Variants in ROBO1 observed in about 807,000 individuals in gnomAD.
ROBO1 encodes roundabout homolog 1.
A neutral mutation model predicts 195.9 loss-of-function variants in ROBO1; 149 were observed. The ratio of observed to expected loss-of-function variants is 0.76; its 90% CI spans 0.67 to 0.87. The LOEUF (loss-of-function observed/expected upper bound fraction) is 0.87. Among genes scored for constraint, ROBO1 ranks in the 40% least tolerant of loss-of-function variants. The pLI is 0.00. For synonymous variants in ROBO1, 816 were observed against 733.2 expected (o/e 1.11, Z -1.82); for missense variants, 1,933 against 2,068.3 (o/e 0.93, Z 1.27).
intron 2 of ROBO1, among the ~76,000 whole-genome samples, chr3:79,179,520 G>T (rs952874379): frequency 2.6e-5 from 4 of 152,134 alleles, no homozygotes; most frequent in African/African-American, 9.7e-5. Flanking sequence ...AACCAGGTTA[G>T]ATCACATTTT....
At chr3:78,645,998 A>T (rs1167880455) in intron 21 of ROBO1, 150 bp downstream of exon 21, 1 of 654,122 alleles carries the variant, frequency 1.5e-6, no homozygotes, top group East Asian at 2.7e-5. Context: ...GCTTGTTTCA[A>T]CAGCATAGCT....
Position 79,386,228 on chromosome 3 carries a change from C to T in ROBO1, c.88+203596G>A, listed in dbSNP as rs537393648. 1.0e-3 allele frequency among the ~76,000 whole-genome samples: 157 copies of T among 152,108 alleles called. 1 individual carries two copies. The highest frequency in any genetic ancestry group is 3.6e-3 in the African/African-American group (151 of 41,514). ...AAAATGGAAAACAACTTACTGTGAACGTCAGTTCGATAGAACTCTAGGGAG... is the reference window on the plus strand; with the variant it reads ...AAAATGGAAAACAACTTACTGTGAATGTCAGTTCGATAGAACTCTAGGGAG... On this transcript the variant is annotated intron_variant, in intron 2 of 30. Coordinates refer to ENST00000464233, the MANE Select transcript of ROBO1 (RefSeq NM_002941.4).
chr3:79,089,659 C>T (rs1288169616), intron 3 of ROBO1, among the ~76,000 whole-genome samples: 1 of 152,092 alleles, frequency 6.6e-6, no homozygotes, highest in Non-Finnish European at 1.5e-5. Flanking sequence ...CTAACAGTTA[C>T]CACATTCTCA....
chr3:79,641,730 G>A (rs1945667992), intron 1 of ROBO1, among the ~76,000 whole-genome samples: 1 of 152,086 alleles, frequency 6.6e-6, no homozygotes, highest in Non-Finnish European at 1.5e-5. Context: ...ACAAAGAAGA[G>A]ATTGAGGCTA....
At chr3:79,650,625 A>G (rs1225008615) in intron 1 of ROBO1, among the ~76,000 whole-genome samples, 1 of 151,812 alleles carries the variant, frequency 6.6e-6, no homozygotes, top group Non-Finnish European at 1.5e-5. Context: ...TTAATTATGC[A>G]ATAATAAGAA....
intron 1 of ROBO1, among the ~76,000 whole-genome samples, chr3:79,593,725 C>T (rs1489682814): frequency 6.6e-6 from 1 of 152,000 alleles, no homozygotes; most frequent in Non-Finnish European, 1.5e-5. Flanking sequence ...ATCCTCCCAA[C>T]TCAGCCTCCT....
rs548625774 is a variant in ROBO1, at chr3:78,689,526, A to G, written c.1046-754T>C. ...GTGTGCTGATGGAGTCACTTCTGGG[A>G]AAAAAAAAAAAGGTATTTGTTTTTG... On this transcript the variant is annotated intron_variant, in intron 8 of 30. Transcript: ENST00000464233. 4.3e-4 allele frequency among the ~76,000 whole-genome samples: 59 copies of G among 138,224 alleles called. 1 individual carries two copies. The Middle Eastern group carries it at 0.018, about 43-fold the overall frequency. 90.7% of individuals were successfully genotyped at this position (138,224 alleles called of 152,430 possible). A position where few individuals can be genotyped will look rare whatever the true frequency, so the allele number is the denominator to read the frequency against.
chr3:78,873,038 T>C (rs2035638170), intron 4 of ROBO1, among the ~76,000 whole-genome samples: 1 of 152,192 alleles, frequency 6.6e-6, no homozygotes, highest in Admixed American at 6.6e-5. Context: ...ACTTACCTGA[T>C]AATGTTCTTT....
intron 3 of ROBO1, among the ~76,000 whole-genome samples, chr3:78,959,670 G>A (rs528391729): frequency 3.9e-5 from 6 of 152,120 alleles, no homozygotes; most frequent in Non-Finnish European, 5.9e-5. Flanking sequence ...TCAATACAGA[G>A]CTATACCATA....
At chr3:78,970,766 T>A (rs769934126) in intron 3 of ROBO1, among the ~76,000 whole-genome samples, 7 of 152,144 alleles carry the variant, frequency 4.6e-5, no homozygotes, top group Non-Finnish European at 8.8e-5. Context: ...GCTTTTATCA[T>A]CCCATTTACC....
rs149323373 is a variant in ROBO1, at chr3:79,156,270, G to T, written c.89-30731C>A. 7.9e-3 allele frequency among the ~76,000 whole-genome samples: 1,191 copies of T among 151,218 alleles called. 4 individuals carry two copies. The highest frequency in any genetic ancestry group is 0.014 in the Middle Eastern group (4 of 292). ...CAGCAATAGTAAAAATGACACACTA[G>T]ATCAGAAGGTTTTGGTAATATTTAT... On this transcript the variant is annotated intron_variant, in intron 2 of 30. Coordinates refer to ENST00000464233, the MANE Select transcript of ROBO1 (RefSeq NM_002941.4).
intron 2 of ROBO1, among the ~76,000 whole-genome samples, chr3:79,518,754 C>T (rs982984084): frequency 6.6e-6 from 1 of 151,804 alleles, no homozygotes; most frequent in Non-Finnish European, 1.5e-5. Flanking sequence ...GATCTCGGCT[C>T]ACTGCCTCCC....
chr3:79,201,751 G>A (rs990123682), intron 2 of ROBO1, among the ~76,000 whole-genome samples: 8 of 151,792 alleles, frequency 5.3e-5, no homozygotes, highest in Non-Finnish European at 1.0e-4. Flanking sequence ...CTATTGTGAG[G>A]AGAATTGGAG....
chr3:79,048,672 C>A lies in ROBO1; in HGVS notation c.172+76784G>T, dbSNP rs185679391. On this transcript the variant is annotated intron_variant, in intron 3 of 30. Transcript: ENST00000464233. ...TCTCCTCATAGCTCCGCAATCTCTT[C>A]CCTCTATTGTCACACTATGATGATG... 2.6e-5 allele frequency among the ~76,000 whole-genome samples: 4 copies of A among 152,216 alleles called. No homozygotes were observed. In the East Asian group the frequency reaches 7.8e-4, roughly 30 times the overall value.
chr3:79,567,249 T>C (rs1049521815), intron 2 of ROBO1, among the ~76,000 whole-genome samples: 1 of 152,014 alleles, frequency 6.6e-6, no homozygotes, highest in African/African-American at 2.4e-5. Flanking sequence ...CTGGTGTCTA[T>C]TGGAGTGTAG....
chr3:79,029,144 T>C (rs528625874), intron 3 of ROBO1, among the ~76,000 whole-genome samples: 3 of 152,204 alleles, frequency 2.0e-5, no homozygotes, highest in South Asian at 2.1e-4. Context: ...ATGTGCATCA[T>C]AGTTTATCCA....
chr3:79,102,185 T>C (rs1378229103), intron 3 of ROBO1, among the ~76,000 whole-genome samples: 1 of 151,886 alleles, frequency 6.6e-6, no homozygotes, highest in Non-Finnish European at 1.5e-5. Flanking sequence ...ACGATGTTTA[T>C]TGTAAAAATA....
intron 4 of ROBO1, among the ~76,000 whole-genome samples, chr3:78,828,403 C>T (rs1051604038): frequency 6.6e-6 from 1 of 152,098 alleles, no homozygotes; most frequent in Non-Finnish European, 1.5e-5. Flanking sequence ...TAATTTATTG[C>T]TGTAGTCTTC....
chr3:79,407,081 G>A (rs1470063794), intron 2 of ROBO1, among the ~76,000 whole-genome samples: 1 of 151,932 alleles, frequency 6.6e-6, no homozygotes, highest in African/African-American at 2.4e-5. Context: ...ACCATGCCTT[G>A]CTAATTTTTT....
Sources: gnomAD v4.1 joint callset for allele counts (sites outside exome capture counted in the v4.1 genomes callset) on GRCh38, gnomAD v4.1.1 for gene constraint, MANE v1.5 for transcripts, NCBI Gene and HGNC (gene_info 2026-07-23, HGNC 2026-07-21) for gene names.